MTMR2: variants seen among roughly 807,000 people sequenced by gnomAD.
The protein encoded by MTMR2 is phosphatidylinositol-3,5-bisphosphate 3-phosphatase MTMR2.
MTMR2 carries 55 observed loss-of-function variants against 86.9 expected under a neutral mutation model. That is an observed-to-expected ratio of 0.63 (90% CI 0.51 to 0.79). MTMR2 has a LOEUF of 0.79. Ranked by LOEUF, MTMR2 falls within the 30% of genes least tolerant of loss-of-function variation. The probability of loss-of-function intolerance (pLI) is 0.00; values close to 1 mark genes in which losing one functional copy is unlikely to be tolerated. For synonymous variants in MTMR2, 241 were observed against 266.8 expected, an observed-to-expected ratio of 0.90 and a Z score of 0.94; for missense variants, 659 against 772.3, an observed-to-expected ratio of 0.85 and a Z score of 1.74.
intron 1 of MTMR2, among the ~76,000 whole-genome samples, chr11:95,915,974 A>T (rs866254126): frequency 1.3e-5 from 2 of 152,188 alleles, no homozygotes; most frequent in Non-Finnish European, 2.9e-5. Flanking sequence ...CTGACCCAAG[A>T]CAAGACACAA....
intron 8 of MTMR2, 111 bp downstream of exon 8, chr11:95,850,489 G>A: frequency 5.4e-6 from 6 of 1,114,468 alleles, no homozygotes; most frequent in Non-Finnish European, 6.8e-6. Flanking sequence ...CCCCATGAAA[G>A]ACCTGCTGCT....
At chr11:95,874,884 G>A (rs1329169372) in intron 2 of MTMR2, among the ~76,000 whole-genome samples, 2 of 152,024 alleles carry the variant, frequency 1.3e-5, no homozygotes, top group African/African-American at 4.8e-5. Flanking sequence ...TGAAATTCTG[G>A]GTTGAAAATT....
At chr11:95,899,876 T>G (rs555445386) in intron 1 of MTMR2, among the ~76,000 whole-genome samples, 33 of 152,204 alleles carry the variant, frequency 2.2e-4, no homozygotes, top group African/African-American at 7.7e-4. Flanking sequence ...GTTCCGTGAA[T>G]AAACCTCGAT....
intron 3 of MTMR2, among the ~76,000 whole-genome samples, chr11:95,865,182 C>T (rs1249902265): frequency 6.6e-6 from 1 of 152,026 alleles, no homozygotes; most frequent in Non-Finnish European, 1.5e-5. Flanking sequence ...ATGAAGGAAG[C>T]AAACAGAAGA....
At position 95,923,860 on chromosome 11, in the gene MTMR2, G is replaced by C. The variant is rs1450803325; in HGVS notation, c.80+15C>G. On this transcript the variant is annotated intron_variant, in intron 1 of 14. Coordinates refer to ENST00000346299, the MANE Select transcript of MTMR2 (RefSeq NM_016156.6). ...CCCTTCGGACGCTGGGCGGGGCCCTGGGCGTCCTGGTTACCTGGACAAGGA... is the reference window on the plus strand; with the variant it reads ...CCCTTCGGACGCTGGGCGGGGCCCTCGGCGTCCTGGTTACCTGGACAAGGA... 6.5e-7 allele frequency: 1 copy of C among 1,536,942 alleles called. No individual in the cohort carries two copies.
rs627568 is a variant in MTMR2, at chr11:95,836,089, A to C, written c.1770+59T>G. The C allele has an allele frequency of 0.34, 510,935 of 1,485,874 alleles. 93,822 individuals are homozygous for C. The highest frequency in any genetic ancestry group is 0.38 in the Non-Finnish European group (408,487 of 1,066,228). 92.0% of individuals were successfully genotyped at this position (1,485,874 alleles called of 1,614,324 possible). ...CAGATAATCTTTCCAGCTGCTTTTA[A>C]GGAGACAAAGTTGCACTGCATGAAT... On this transcript the variant is annotated intron_variant, in intron 14 of 14. Transcript: ENST00000346299.
At chr11:95,862,444 A>G in intron 3 of MTMR2, 78 bp from the exon 4 acceptor site, 4 of 1,122,222 alleles carry the variant, frequency 3.6e-6, no homozygotes, top group East Asian at 2.4e-5. Flanking sequence ...TAAAATTGTT[A>G]TGATTCCTAG....
chr11:95,888,962 C>T (rs1023811870), intron 1 of MTMR2, among the ~76,000 whole-genome samples: 1 of 152,056 alleles, frequency 6.6e-6, no homozygotes, highest in Admixed American at 6.6e-5. Context: ...TCAGATACTA[C>T]AAATAGTTGA....
chr11:95,905,979 C>T (rs1014559354), intron 1 of MTMR2, among the ~76,000 whole-genome samples: 1 of 152,126 alleles, frequency 6.6e-6, no homozygotes, highest in Admixed American at 6.5e-5. Context: ...AATACCAGCA[C>T]TTCCGGAGGC....
chr11:95,896,411 A>T (rs1197123759), intron 1 of MTMR2, among the ~76,000 whole-genome samples: 1 of 150,578 alleles, frequency 6.6e-6, no homozygotes, highest in African/African-American at 2.4e-5. Context: ...AAATTCTTGG[A>T]CTCAAGTGAT....
intron 2 of MTMR2, among the ~76,000 whole-genome samples, chr11:95,872,487 T>C (rs550879160): frequency 6.6e-6 from 1 of 152,352 alleles, no homozygotes; most frequent in East Asian, 1.9e-4. Context: ...TTGCTGAAGT[T>C]GCTTATCAGC....
intron 8 of MTMR2, 133 bp from the exon 9 acceptor site, chr11:95,849,995 A>G: frequency 6.0e-6 from 5 of 834,680 alleles, no homozygotes; most frequent in Non-Finnish European, 9.6e-6. Flanking sequence ...TGAGGCTGCT[A>G]AGAAAAATCA....
chr11:95,882,749 G>T (rs1324428754), intron 2 of MTMR2, among the ~76,000 whole-genome samples: 1 of 146,142 alleles, frequency 6.8e-6, no homozygotes, highest in Non-Finnish European at 1.5e-5. Context: ...TTGAGACAGA[G>T]TCTCACTCTG....
At chr11:95,868,490 G>A (rs1410706703) in intron 2 of MTMR2, among the ~76,000 whole-genome samples, 1 of 151,702 alleles carries the variant, frequency 6.6e-6, no homozygotes, top group East Asian at 1.9e-4. Flanking sequence ...ATTTAATGTT[G>A]AGGACAAACT....
intron 11 of MTMR2, among the ~76,000 whole-genome samples, 184 bp from the exon 12 acceptor site, chr11:95,841,893 C>G (rs1393889113): frequency 6.6e-6 from 1 of 152,086 alleles, no homozygotes; most frequent in African/African-American, 2.4e-5. Flanking sequence ...GCCAGGAATT[C>G]GAGATGGGTC....
In MTMR2 at chr11:95,845,692, T is replaced by TA. The variant is rs540372705; in HGVS notation, c.1180-534dup. ...GCACAGTATAAACTTTAGAGTGAGC[T>TA]ACTTTTCTGTAACACTGCATGAAAA... is the stretch of plus-strand genomic sequence containing the variant. On this transcript the variant is annotated intron_variant, in intron 10 of 14. Coordinates refer to ENST00000346299, the MANE Select transcript of MTMR2 (RefSeq NM_016156.6). 7.3e-4 allele frequency among the ~76,000 whole-genome samples: 97 copies of TA among 132,340 alleles called. 2 individuals are homozygous for TA. Among genetic ancestry groups the TA allele is most frequent in the Middle Eastern group, 7.9e-3 (2 of 254 alleles). The allele number at this position is 132,340 out of a possible 152,430, so 86.8% of individuals were successfully genotyped here. A position where few individuals can be genotyped will look rare whatever the true frequency, so the allele number is the denominator to read the frequency against.
intron 3 of MTMR2, among the ~76,000 whole-genome samples, chr11:95,863,332 C>T (rs867267546): frequency 6.6e-6 from 1 of 152,150 alleles, no homozygotes; most frequent in Non-Finnish European, 1.5e-5. Context: ...CCTGACTTTG[C>T]TTCTCATTCA....
chr11:95,855,568 G>A (rs1045051690), intron 7 of MTMR2, among the ~76,000 whole-genome samples: 5 of 152,150 alleles, frequency 3.3e-5, no homozygotes, highest in African/African-American at 1.2e-4. Flanking sequence ...CATTTTTGAA[G>A]AGATATAGTC....
intron 1 of MTMR2, 196 bp downstream of exon 1, chr11:95,923,679 A>T: frequency 7.0e-7 from 1 of 1,428,074 alleles, no homozygotes; most frequent in Non-Finnish European, 9.1e-7. Context: ...ATAAAGAAGC[A>T]GCGAGTTTTA....
Sources: gnomAD v4.1 joint callset for allele counts (sites outside exome capture counted in the v4.1 genomes callset) on GRCh38, gnomAD v4.1.1 for gene constraint, MANE v1.5 for transcripts, NCBI Gene and HGNC (gene_info 2026-07-23, HGNC 2026-07-21) for gene names.